TRAPPC13: variants seen among roughly 807,000 people sequenced by gnomAD.
TRAPPC13 encodes the protein REV7-interacting novel NHEJ regulator 1.
A neutral mutation model predicts 54.0 loss-of-function variants in TRAPPC13; 39 were observed. The observed-to-expected ratio is 0.72, with a 90% CI of 0.56 to 0.94. The LOEUF is 0.94. TRAPPC13 is among the 40% of genes least tolerant of loss of function. TRAPPC13 has a pLI of 0.00. For synonymous variants in TRAPPC13, 148 were observed against 167.7 expected (o/e 0.88, Z 0.91); for missense variants, 386 against 488.1 (o/e 0.79, Z 1.97).
At chr5:65,630,067 T>C in intron 1 of TRAPPC13, 1 of 1,536,116 alleles carries the variant, frequency 6.5e-7, no homozygotes, top group Non-Finnish European at 8.7e-7. Context: ...AGGCACTAAA[T>C]TTACACTCAC....
At chr5:65,647,880 A>ATC (rs1756274422) in intron 5 of TRAPPC13, among the ~76,000 whole-genome samples, 2 of 152,088 alleles carry the variant, frequency 1.3e-5, no homozygotes, top group Admixed American at 1.3e-4. Context: ...ATTAGCTGTT[A>ATC]TCTAATCAGT....
chr5:65,650,401 A>T (rs2150682794), intron 5 of TRAPPC13, among the ~76,000 whole-genome samples: 1 of 152,092 alleles, frequency 6.6e-6, no homozygotes, highest in Admixed American at 6.6e-5. Flanking sequence ...ACCTCAAGTG[A>T]TCCGCCCGCC....
rs373474994 is a variant in TRAPPC13 at position 65,664,339 on chromosome 5, G to A, written c.1101G>A (p.Ser367=). The part of the protein sequence containing the change: ...RQLGKLHPSS[S]LCLALTLLSS... ...TGGGAAAGCTGCATCCAAGTTCTTC[G>A]CTCTGTCTTGCCCTTACTCTGCTTT... Residue 367 remains serine (S), a synonymous_variant, in exon 12 of 13, where the codon TCG becomes TCA. Coordinates refer to ENST00000399438, the MANE Select transcript of TRAPPC13 (RefSeq NM_024941.4). 1.4e-5 allele frequency: 22 copies of A among 1,613,902 alleles called. No individual in the cohort carries two copies. The highest frequency in any genetic ancestry group is 4.5e-5 in the East Asian group (2 of 44,876).
intron 7 of TRAPPC13, among the ~76,000 whole-genome samples, chr5:65,654,317 T>C (rs531779289): frequency 2.2e-4 from 33 of 152,336 alleles, no homozygotes; most frequent in Middle Eastern, 3.4e-3. Context: ...TCTATTTTTA[T>C]AATCACGACA....
chr5:65,625,057 C>T lies in TRAPPC13; in HGVS notation c.-4C>T. ...TAGGCTGTGGGTCAAAAGTGCCGGT[C>T]AAAATGGAAGTGAATCCCCCTAAAC... On this transcript the variant is annotated 5_prime_UTR_variant, in exon 1 of 13. Transcript: ENST00000399438. 1 of 1,613,510 alleles carries T rather than the reference C, an allele frequency of 6.2e-7. No homozygotes were observed. Among genetic ancestry groups the T allele is most frequent in the Non-Finnish European group, 8.5e-7 (1 of 1,179,490 alleles).
At chr5:65,645,785 C>G (rs1487600600) in intron 4 of TRAPPC13, among the ~76,000 whole-genome samples, 1 of 152,132 alleles carries the variant, frequency 6.6e-6, no homozygotes, top group Non-Finnish European at 1.5e-5. Flanking sequence ...GCCTGGGTGA[C>G]AGAGCAAGAC....
chr5:65,626,560 A>T (rs1755241449), intron 1 of TRAPPC13, among the ~76,000 whole-genome samples: 3 of 152,002 alleles, frequency 2.0e-5, no homozygotes, highest in Admixed American at 2.0e-4. Flanking sequence ...ACATAGTGAA[A>T]CCCCGTCTCT....
intron 4 of TRAPPC13, among the ~76,000 whole-genome samples, chr5:65,642,061 G>T (rs902432040): frequency 2.0e-5 from 3 of 151,992 alleles, no homozygotes; most frequent in African/African-American, 7.2e-5. Context: ...AGTGGCTCAC[G>T]CCTGTAATCC....
At position 65,664,484 on chromosome 5, in the gene TRAPPC13, A is replaced by ATCTCTCTCTC. The variant is rs3830443; in HGVS notation, c.1147-15_1147-6dup. On this transcript the variant is annotated intron_variant, in intron 12 of 12. Coordinates refer to ENST00000399438, the MANE Select transcript of TRAPPC13 (RefSeq NM_024941.4). ...TCTGAATGAATGAAAACTTAGACTCATCTCTCTCTCTCTCAATAGAGCATC... is the reference window on the plus strand; with the variant it reads ...TCTGAATGAATGAAAACTTAGACTCATCTCTCTCTCTCTCTCTCTCTCTCAATAGAGCATC... The ATCTCTCTCTC allele has an allele frequency of 6.7e-7, 1 of 1,488,062 alleles. No individual in the cohort carries two copies. The highest frequency in any genetic ancestry group is 9.2e-7 in the Non-Finnish European group (1 of 1,084,248). 92.2% of individuals were successfully genotyped at this position (1,488,062 alleles called of 1,614,324 possible).
In TRAPPC13 at chr5:65,664,598, A is replaced by C. The variant is rs1756971254; in HGVS notation, c.1241A>C (p.Lys414Thr). 6.2e-7 allele frequency: 1 copy of C among 1,612,148 alleles called. No individual in the cohort carries two copies. Among genetic ancestry groups the C allele is most frequent in the African/African-American group, 1.3e-5 (1 of 74,850 alleles). ...GTCTGTGTGGTATCTTCTGCCATTA[A>C]AGTGGAAAGCTGAAGGAAACTTCCA... ...AQVCVVSSAI[K>T]VES Residue 414 changes from lysine (K) to threonine (T), a missense_variant, in exon 13 of 13, where the codon AAA becomes ACA. Coordinates refer to ENST00000399438, the MANE Select transcript of TRAPPC13 (RefSeq NM_024941.4).
intron 4 of TRAPPC13, among the ~76,000 whole-genome samples, chr5:65,642,942 CTG>C (rs1756025734): frequency 6.6e-6 from 1 of 152,198 alleles, no homozygotes; most frequent in Non-Finnish European, 1.5e-5. Flanking sequence ...CTGATGCCTA[CTG>C]TACAACAGTA....
Position 65,652,549 on chromosome 5 carries a change from A to C in TRAPPC13, c.546+4A>C, listed in dbSNP as rs1381250969. ...AACCAAATTTTACAATGCAGAGGTA[A>C]GTGTTGAGTGTTTAATGGGATTTCA... On this transcript the variant is annotated splice_donor_region_variant and intron_variant, in intron 7 of 12. Coordinates refer to ENST00000399438, the MANE Select transcript of TRAPPC13 (RefSeq NM_024941.4). 6.3e-7 allele frequency: 1 copy of C among 1,598,926 alleles called. No homozygotes were observed. The highest frequency in any genetic ancestry group is 2.2e-5 in the East Asian group (1 of 44,648).
chr5:65,647,624 C>A (rs1295176988), intron 5 of TRAPPC13, among the ~76,000 whole-genome samples: 1 of 151,896 alleles, frequency 6.6e-6, no homozygotes, highest in East Asian at 1.9e-4. Context: ...GAAAAAAAAT[C>A]AAATTCTGTA....
At chr5:65,633,891 C>T (rs953927983) in intron 1 of TRAPPC13, among the ~76,000 whole-genome samples, 3 of 144,834 alleles carry the variant, frequency 2.1e-5, no homozygotes. Flanking sequence ...ATGAATAATC[C>T]TTTTGCTAAT....
chr5:65,625,500 G>A (rs1755171563), intron 1 of TRAPPC13: 1 of 217,330 alleles, frequency 4.6e-6, no homozygotes, highest in Non-Finnish European at 9.2e-6. Context: ...TGTAAAATTA[G>A]TATTGCATGA....
At chr5:65,649,857 A>ATTTTTT (rs34497762) in intron 5 of TRAPPC13, among the ~76,000 whole-genome samples, 1 of 134,242 alleles carries the variant, frequency 7.4e-6, no homozygotes, top group African/African-American at 2.8e-5. Flanking sequence ...ATCTATCTGT[A>ATTTTTT]TTTTTTTTTT....
At chr5:65,638,153 T>A (rs1268682459) in intron 4 of TRAPPC13, among the ~76,000 whole-genome samples, 1 of 152,058 alleles carries the variant, frequency 6.6e-6, no homozygotes, top group Admixed American at 6.6e-5. Context: ...AAGGTTTTTT[T>A]ATATCTATTA....
rs939307037 is a variant in TRAPPC13 at position 65,655,207 on chromosome 5, G to A, written c.547-429G>A. Reference sequence around the variant, plus strand: ...TGCCCAAGATATTCCTTAGAAAGATGATTCCATTATTACATAAATTTAAGA... The same window carrying A: ...TGCCCAAGATATTCCTTAGAAAGATAATTCCATTATTACATAAATTTAAGA... On this transcript the variant is annotated intron_variant, in intron 7 of 12. Transcript: ENST00000399438. Among the ~76,000 whole-genome samples the A allele has an allele frequency of 3.9e-5, 6 of 152,148 alleles. 1 individual carries two copies. The highest frequency in any genetic ancestry group is 3.3e-4 in the Admixed American group (5 of 15,282).
At chr5:65,627,581 G>T (rs1311489482) in intron 1 of TRAPPC13, among the ~76,000 whole-genome samples, 1 of 150,694 alleles carries the variant, frequency 6.6e-6, no homozygotes, top group Non-Finnish European at 1.5e-5. Context: ...TGTAAGCCGA[G>T]ATTGTGCCAC....
Sources: allele counts gnomAD v4.1 joint callset (sites outside exome capture counted in the v4.1 genomes callset), GRCh38; gene constraint gnomAD v4.1.1; transcripts MANE v1.5; gene names NCBI Gene and HGNC (gene_info 2026-07-23, HGNC 2026-07-21).